The following EEIG1 variants were observed in gnomAD, a reference collection of about 807,000 sequenced individuals.
EEIG1 encodes estrogen-induced osteoclastogenesis regulator 1.
At chr9:127,962,893 G>A in the EEIG1 span, among the ~76,000 whole-genome samples, 4 of 152,016 alleles carry the variant, frequency 2.6e-5, no homozygotes, top group Non-Finnish European at 4.4e-5. Flanking sequence ...ATAGGACCAC[G>A]GACCCTCCTT....
At chr9:127,948,204 G>A in the EEIG1 span, 16 of 1,613,912 alleles carry the variant, frequency 9.9e-6, no homozygotes, top group Non-Finnish European at 1.4e-5. Flanking sequence ...GGATGGAGAT[G>A]GACTTGGCAG....
the EEIG1 span, among the ~76,000 whole-genome samples, chr9:127,972,106 C>T: frequency 1.1e-4 from 16 of 152,028 alleles, no homozygotes; most frequent in Admixed American, 3.9e-4. The surrounding 1 kb of genome is among the most constrained non-coding windows in gnomAD (Gnocchi z 4.3). Context: ...GTCCCAGAGC[C>T]GGCTGTGCAG....
At chr9:127,970,794 T>TGG in the EEIG1 span, among the ~76,000 whole-genome samples, 1 of 24,134 alleles carries the variant, frequency 4.1e-5, no homozygotes, top group African/African-American at 9.0e-5. Flanking sequence ...CTCAGCACGC[T>TGG]CGCCCTTGCC....
the EEIG1 span, among the ~76,000 whole-genome samples, chr9:127,954,089 C>T: frequency 2.6e-5 from 4 of 152,204 alleles, no homozygotes; most frequent in Admixed American, 1.3e-4. Context: ...AGAATGTACT[C>T]GTGTAGTTGT....
chr9:127,975,311 T>C, the EEIG1 span, among the ~76,000 whole-genome samples: 1 of 151,970 alleles, frequency 6.6e-6, no homozygotes, highest in Non-Finnish European at 1.5e-5. Flanking sequence ...ATCTTTGTGG[T>C]GGGCGGCCAC....
At chr9:127,960,898 A>G in the EEIG1 span, among the ~76,000 whole-genome samples, 1 of 151,952 alleles carries the variant, frequency 6.6e-6, no homozygotes, top group Non-Finnish European at 1.5e-5. Context: ...GCTCTGAACA[A>G]TCACCTATTG....
the EEIG1 span, chr9:127,945,406 C>T: frequency 6.3e-6 from 10 of 1,582,606 alleles, no homozygotes; most frequent in African/African-American, 2.7e-5. This position sits in a 1 kb window ranked among gnomAD's most constrained non-coding sequence, Gnocchi z 6.5. Flanking sequence ...CCGGGGTGGC[C>T]GCGGCGGCTT....
At chr9:127,949,993 C>G in the EEIG1 span, among the ~76,000 whole-genome samples, 1 of 152,206 alleles carries the variant, frequency 6.6e-6, no homozygotes, top group Non-Finnish European at 1.5e-5. Context: ...AAGAAGTCAA[C>G]TGGCTGGTGG....
chr9:127,975,599 T>C, the EEIG1 span, among the ~76,000 whole-genome samples: 1 of 152,124 alleles, frequency 6.6e-6, no homozygotes, highest in South Asian at 2.1e-4. Flanking sequence ...TAAGTGGCCG[T>C]AGCAAGTCAC....
the EEIG1 span, among the ~76,000 whole-genome samples, chr9:127,956,312 A>G: frequency 6.6e-6 from 1 of 152,244 alleles, no homozygotes; most frequent in African/African-American, 2.4e-5. Flanking sequence ...TAAGAAAAAT[A>G]CCTAGTAGTG....
the EEIG1 span, chr9:127,954,016 G>A: frequency 1.3e-6 from 2 of 1,496,544 alleles, no homozygotes; most frequent in Non-Finnish European, 1.8e-6. Context: ...TCCCCATTGG[G>A]ACTGAGGCGG....
chr9:127,971,326 G>T, the EEIG1 span, among the ~76,000 whole-genome samples: 1 of 152,152 alleles, frequency 6.6e-6, no homozygotes, highest in Non-Finnish European at 1.5e-5. Flanking sequence ...TCCAATTGCC[G>T]TGCTTGGAGT....
chr9:127,951,703 G>A, the EEIG1 span, among the ~76,000 whole-genome samples: 2 of 151,588 alleles, frequency 1.3e-5, no homozygotes, highest in African/African-American at 4.8e-5. Context: ...TGTAGTCCCA[G>A]CTACTCAGGA....
the EEIG1 span, chr9:127,953,500 C>A: frequency 7.2e-7 from 1 of 1,390,356 alleles, no homozygotes; most frequent in Non-Finnish European, 1.0e-6. Context: ...AGAAAAGGGG[C>A]TGGAGGCTTC....
the EEIG1 span, among the ~76,000 whole-genome samples, chr9:127,974,345 G>A: frequency 0.074 from 11,299 of 152,198 alleles, 579 homozygotes; most frequent in Middle Eastern, 0.14. Context: ...ACACCAGCTC[G>A]GCCACCCATT....
chr9:127,958,898 A>G, the EEIG1 span, among the ~76,000 whole-genome samples: 2 of 152,242 alleles, frequency 1.3e-5, no homozygotes, highest in Non-Finnish European at 2.9e-5. Flanking sequence ...GAACATACAC[A>G]AGTGGTCAAC....
the EEIG1 span, among the ~76,000 whole-genome samples, chr9:127,970,016 G>A: frequency 2.6e-5 from 4 of 152,162 alleles, no homozygotes; most frequent in South Asian, 2.1e-4. Context: ...AATATTACAG[G>A]CCCCCAGAAG....
the EEIG1 span, chr9:127,943,097 G>T: frequency 8.7e-7 from 1 of 1,145,812 alleles, no homozygotes; most frequent in Non-Finnish European, 1.3e-6. Flanking sequence ...GAGATGTGGC[G>T]CAGAGGTGAT....
chr9:127,976,916 T>A, the EEIG1 span, among the ~76,000 whole-genome samples: 1 of 151,294 alleles, frequency 6.6e-6, no homozygotes, highest in African/African-American at 2.4e-5. The surrounding 1 kb of genome is among the most constrained non-coding windows in gnomAD (Gnocchi z 4.1). Flanking sequence ...CCCCAGACCC[T>A]ACTCCAACCT....
Sources: allele counts gnomAD v4.1 joint callset (sites outside exome capture counted in the v4.1 genomes callset), GRCh38; gene constraint gnomAD v4.1.1; non-coding constraint Gnocchi (gnomAD v3.1); transcripts MANE v1.5; gene names NCBI Gene and HGNC (gene_info 2026-07-23, HGNC 2026-07-21).